The following SAMMSON variants were observed in gnomAD, a reference collection of about 807,000 sequenced individuals.
SAMMSON encodes the protein long intergenic non-protein coding RNA 1212.
chr3:70,346,688 CTCA>C (rs1453987924), intron 7 of SAMMSON, among the ~76,000 whole-genome samples: 2 of 152,074 alleles, frequency 1.3e-5, no homozygotes, highest in East Asian at 3.8e-4. Flanking sequence ...CTTCCAAATC[CTCA>C]TCTTTGATGG....
At chr3:70,014,883 C>G (rs1394378461) in intron 3 of SAMMSON, 1 of 152,152 alleles carries the variant, frequency 6.6e-6, no homozygotes, top group Non-Finnish European at 1.5e-5. Flanking sequence ...ACCAGCATTA[C>G]TAAGGATGAT....
chr3:70,382,766 A>C (rs1172375747), intron 9 of SAMMSON, among the ~76,000 whole-genome samples: 1 of 152,096 alleles, frequency 6.6e-6, no homozygotes, highest in Non-Finnish European at 1.5e-5. Flanking sequence ...AGTTTTATTT[A>C]GTTTGTATTC....
chr3:70,380,288 A>C (rs1257574576), intron 9 of SAMMSON, among the ~76,000 whole-genome samples: 1 of 152,148 alleles, frequency 6.6e-6, no homozygotes, highest in East Asian at 1.9e-4. Flanking sequence ...ATATTTTTCT[A>C]ATATTGTTAA....
intron 2 of SAMMSON, among the ~76,000 whole-genome samples, chr3:70,410,356 T>A (rs987763214): frequency 1.3e-5 from 2 of 152,212 alleles, no homozygotes; most frequent in African/African-American, 2.4e-5. Context: ...CTCTACTCTC[T>A]AATCATTGCT....
intron 3 of SAMMSON, among the ~76,000 whole-genome samples, chr3:70,064,140 A>T (rs1055848288): frequency 1.3e-5 from 2 of 152,142 alleles, no homozygotes; most frequent in Non-Finnish European, 1.5e-5. Flanking sequence ...TTCCACAAAT[A>T]TCTGTGGGAT....
chr3:70,006,740 G>A (rs921261927), intron 1 of SAMMSON, among the ~76,000 whole-genome samples: 9 of 151,648 alleles, frequency 5.9e-5, no homozygotes, highest in African/African-American at 2.2e-4. Context: ...CATGTGCCAT[G>A]TTGGTGTGCT....
intron 4 of SAMMSON, among the ~76,000 whole-genome samples, chr3:70,131,197 G>A (rs1182163903): frequency 6.6e-6 from 1 of 152,136 alleles, no homozygotes; most frequent in African/African-American, 2.4e-5. Flanking sequence ...GTGGCTCAGC[G>A]ATATCATTGA....
At chr3:70,369,582 C>A (rs1373149873) in intron 9 of SAMMSON, among the ~76,000 whole-genome samples, 1 of 150,830 alleles carries the variant, frequency 6.6e-6, no homozygotes, top group Non-Finnish European at 1.5e-5. Context: ...TAAGAGGAAT[C>A]AGAGAGAAGA....
chr3:70,249,797 C>T (rs991117692), intron 6 of SAMMSON: 18 of 152,156 alleles, frequency 1.2e-4, no homozygotes, highest in East Asian at 5.8e-4. Context: ...TGCTAAGATA[C>T]GGTAGTTATT....
chr3:70,167,426 G>A (rs2067642174), intron 4 of SAMMSON, among the ~76,000 whole-genome samples: 1 of 151,898 alleles, frequency 6.6e-6, no homozygotes, highest in Non-Finnish European at 1.5e-5. Flanking sequence ...TGAAAATAAA[G>A]ATCATGCTTC....
At chr3:70,000,171 G>C (rs2066900321) in intron 1 of SAMMSON, among the ~76,000 whole-genome samples, 4 of 152,126 alleles carry the variant, frequency 2.6e-5, no homozygotes, top group Admixed American at 2.6e-4. Context: ...GGGGCTTCAG[G>C]AGCACACACG....
At chr3:70,179,676 G>A (rs1576145527) in intron 4 of SAMMSON, among the ~76,000 whole-genome samples, 1 of 152,286 alleles carries the variant, frequency 6.6e-6, no homozygotes, top group East Asian at 1.9e-4. Flanking sequence ...GTCTGTACTT[G>A]TACATGAGAG....
intron 7 of SAMMSON, among the ~76,000 whole-genome samples, chr3:70,295,320 T>C (rs1042667902): frequency 3.3e-5 from 5 of 152,178 alleles, no homozygotes; most frequent in Admixed American, 2.6e-4. Flanking sequence ...TTGACCAAGA[T>C]TAACATCTAG....
chr3:70,243,981 C>A (rs1056355348), intron 4 of SAMMSON, among the ~76,000 whole-genome samples: 1 of 152,180 alleles, frequency 6.6e-6, no homozygotes, highest in African/African-American at 2.4e-5. Context: ...CTAATTATCT[C>A]CTCACCCTGT....
intron 7 of SAMMSON, among the ~76,000 whole-genome samples, chr3:70,313,156 T>G (rs1313476530): frequency 6.6e-6 from 1 of 152,130 alleles, no homozygotes; most frequent in Non-Finnish European, 1.5e-5. Flanking sequence ...GTCATTAAAT[T>G]CTTAGGTAAG....
intron 1 of SAMMSON, among the ~76,000 whole-genome samples, chr3:70,010,252 C>T (rs1018638040): frequency 5.9e-5 from 9 of 151,820 alleles, no homozygotes; most frequent in African/African-American, 2.2e-4. Context: ...TAAAGTCTCC[C>T]GTTATTATTG....
At chr3:70,432,184 C>A (rs1475631283) in intron 2 of SAMMSON, among the ~76,000 whole-genome samples, 1 of 151,786 alleles carries the variant, frequency 6.6e-6, no homozygotes, top group African/African-American at 2.4e-5. Flanking sequence ...GTTCCAGTTT[C>A]TCTATATTCT....
intron 4 of SAMMSON, among the ~76,000 whole-genome samples, chr3:70,163,858 G>A (rs1162926505): frequency 1.3e-5 from 2 of 152,020 alleles, no homozygotes; most frequent in Non-Finnish European, 2.9e-5. Context: ...ATTTGCACTA[G>A]CTACCAAACA....
intron 4 of SAMMSON, among the ~76,000 whole-genome samples, chr3:70,174,461 G>A (rs1354594472): frequency 3.3e-5 from 5 of 152,056 alleles, no homozygotes; most frequent in South Asian, 4.1e-4. Context: ...ATCAAACCAT[G>A]CAGAGTAGCA....
Sources: gnomAD v4.1 joint callset for allele counts (sites outside exome capture counted in the v4.1 genomes callset) on GRCh38, gnomAD v4.1.1 for gene constraint, MANE v1.5 for transcripts, NCBI Gene and HGNC (gene_info 2026-07-23, HGNC 2026-07-21) for gene names.